FRMPD4: variants seen among roughly 807,000 people sequenced by gnomAD.
The protein encoded by FRMPD4 is FERM and PDZ domain-containing protein 4.
A neutral mutation model predicts 94.1 loss-of-function variants in FRMPD4; 22 were observed. The observed-to-expected ratio is 0.23, with a 90% CI of 0.17 to 0.33. The LOEUF (loss-of-function observed/expected upper bound fraction) is 0.33, where lower values mean the gene tolerates loss of function less well. FRMPD4 is among the 10% of genes least tolerant of loss of function. The pLI, the probability that FRMPD4 is intolerant of heterozygous loss-of-function variation, is 1.00. For synonymous variants in FRMPD4, 631 were observed against 548.6 expected (o/e 1.15, Z -2.10); for missense variants, 1,111 against 1,339.9 (o/e 0.83, Z 2.67).
At chrX:12,650,255 G>C (rs2059584299) in intron 4 of FRMPD4, among the ~76,000 whole-genome samples, 1 of 111,982 alleles carries the variant, frequency 8.9e-6, no homozygotes, top group East Asian at 2.8e-4. Flanking sequence ...TACATCTTCT[G>C]GATGCAAACA....
intron 1 of FRMPD4, among the ~76,000 whole-genome samples, chrX:11,844,152 TA>T (rs1383220443): frequency 8.1e-5 from 7 of 85,994 alleles, no homozygotes; most frequent in Admixed American, 6.6e-4. Context: ...CACACCCAGC[TA>T]TTTTTTTTTT....
At chrX:12,495,128 G>C (rs1177106070) in intron 1 of FRMPD4, 1 of 250,655 alleles carries the variant, frequency 4.0e-6, no homozygotes. Flanking sequence ...ATCACCTTCT[G>C]ACATTCTGGG....
chrX:12,349,945 G>A (rs758372259), intron 1 of FRMPD4, among the ~76,000 whole-genome samples: 2 of 111,398 alleles, frequency 1.8e-5, no homozygotes, highest in East Asian at 5.6e-4. Context: ...GATAACCAGT[G>A]GGGAACATAA....
intron 4 of FRMPD4, among the ~76,000 whole-genome samples, chrX:12,647,852 A>G (rs893497): frequency 0.33 from 36,304 of 110,199 alleles, 5,591 homozygotes; most frequent in Non-Finnish European, 0.47. Context: ...TTTTTTTACT[A>G]GTTATGCCCT....
chrX:12,621,968 G>GAA (rs1182948328), intron 4 of FRMPD4, among the ~76,000 whole-genome samples: 5 of 41,074 alleles, frequency 1.2e-4, no homozygotes, highest in Admixed American at 3.1e-4. Flanking sequence ...AAGAAAGAAA[G>GAA]AGAAAGAAAG....
Position 12,470,541 on chromosome X carries a change from T to G in FRMPD4, c.42-28139T>G, listed in dbSNP as rs189782978. Among the ~76,000 whole-genome samples, 108 of 112,162 alleles carry G rather than the reference T, an allele frequency of 9.6e-4. 1 individual carries two copies. The highest frequency in any genetic ancestry group is 1.4e-3 in the Non-Finnish European group (77 of 53,221). The stretch of plus-strand genomic sequence containing the variant: ...TTTTTCTTTCAGCAAAAAGGGTAAA[T>G]GTACTGACGTCTTTGTGGCTAGGCT... On this transcript the variant is annotated intron_variant, in intron 1 of 16. Coordinates refer to ENST00000675598, the MANE Select transcript of FRMPD4 (RefSeq NM_001368397.1).
intron 1 of FRMPD4, among the ~76,000 whole-genome samples, chrX:12,158,964 C>T (rs2055980121): frequency 8.9e-6 from 1 of 112,233 alleles, no homozygotes; most frequent in Non-Finnish European, 1.9e-5. Context: ...AGGAAGTACA[C>T]GCCTTCTTGA....
chrX:11,892,977 C>A (rs1363787497), intron 3 of FRMPD4, among the ~76,000 whole-genome samples: 1 of 111,907 alleles, frequency 8.9e-6, no homozygotes, highest in Non-Finnish European at 1.9e-5. Context: ...TATTAAGTAA[C>A]CTTGATTATT....
chrX:12,084,179 G>GC (rs1555921470), intron 3 of FRMPD4, among the ~76,000 whole-genome samples: 14 of 93,101 alleles, frequency 1.5e-4, no homozygotes, highest in Non-Finnish European at 2.8e-4. Flanking sequence ...GGACCCAGTG[G>GC]GGGGGGGGGT....
intron 1 of FRMPD4, among the ~76,000 whole-genome samples, chrX:12,198,570 G>A (rs1433894209): frequency 1.8e-5 from 2 of 111,747 alleles, no homozygotes; most frequent in Middle Eastern, 4.6e-3. Flanking sequence ...GAGTAGTGAC[G>A]CCTTAGATTC....
intron 3 of FRMPD4, among the ~76,000 whole-genome samples, chrX:11,916,511 C>T (rs1285773655): frequency 9.0e-6 from 1 of 110,510 alleles, no homozygotes; most frequent in Non-Finnish European, 1.9e-5. Context: ...AGTGTTGGTA[C>T]GTGTTCAGCA....
chrX:12,492,141 A>C (rs940177199), intron 1 of FRMPD4, among the ~76,000 whole-genome samples: 1 of 112,189 alleles, frequency 8.9e-6, no homozygotes, highest in African/African-American at 3.2e-5. Context: ...TTTAATGGCA[A>C]CCACTGCATG....
intron 1 of FRMPD4, among the ~76,000 whole-genome samples, chrX:11,855,006 T>A (rs1288589828): frequency 1.8e-5 from 2 of 111,938 alleles, no homozygotes; most frequent in African/African-American, 6.5e-5. Flanking sequence ...TACTTCTGCT[T>A]GGACAACCGG....
chrX:12,691,820 C>T (rs1399387714), intron 8 of FRMPD4, among the ~76,000 whole-genome samples: 1 of 106,248 alleles, frequency 9.4e-6, no homozygotes, highest in African/African-American at 3.5e-5. Context: ...GTAGGACGCA[C>T]CTCAGAGGTA....
At chrX:12,719,039 A>C (rs1234919427) in intron 16 of FRMPD4, among the ~76,000 whole-genome samples, 1 of 112,349 alleles carries the variant, frequency 8.9e-6, no homozygotes, top group East Asian at 2.8e-4. Context: ...ATGGGGCAAT[A>C]TGTTTTTCCT....
chrX:12,340,766 A>G (rs2055600220), intron 1 of FRMPD4, among the ~76,000 whole-genome samples: 1 of 111,862 alleles, frequency 8.9e-6, no homozygotes, highest in Non-Finnish European at 1.9e-5. Context: ...ATGCGCTCCA[A>G]ACTTTCCTTA....
At position 12,717,842 on chromosome X, in the gene FRMPD4, T is replaced by G; in HGVS notation, c.3016T>G (p.Ser1006Ala). The change falls in exon 16 of 17, where the codon TCG becomes GCG. Residue 1006 changes from serine (S) to alanine (A), a missense_variant. Ser to Ala is a moderately conservative substitution (Grantham distance 99). Around this residue, in one of 8 missense-constraint regions of FRMPD4, gnomAD observed 551 missense variants for 591.6 expected, o/e 0.93. Coordinates refer to ENST00000675598, the MANE Select transcript of FRMPD4 (RefSeq NM_001368397.1). ...GGAGCCTGAAACTATGGAGACTAAGTCGGTCACTGACTATTTTAGCAAACT... is the reference window on the plus strand; with the variant it reads ...GGAGCCTGAAACTATGGAGACTAAGGCGGTCACTGACTATTTTAGCAAACT... ...EMEPETMETKSVTDYFSKLHM... is the reference protein window; with the variant it reads ...EMEPETMETKAVTDYFSKLHM... 4 of 1,210,462 alleles carry G rather than the reference T, an allele frequency of 3.3e-6. No individual in the cohort carries two copies. Among genetic ancestry groups the G allele is most frequent in the Non-Finnish European group, 4.5e-6 (4 of 894,156 alleles).
Position 11,977,356 on chromosome X carries a change from T to G in FRMPD4, c.95+99338T>G, listed in dbSNP as rs139297506. 3.3e-3 allele frequency among the ~76,000 whole-genome samples: 377 copies of G among 112,610 alleles called. 1 individual carries two copies. Among genetic ancestry groups the G allele is most frequent in the Non-Finnish European group, 5.9e-3 (316 of 53,340 alleles). On this transcript the variant is annotated intron_variant, in intron 3 of 18. Transcript: ENST00000640291. ...ACAATCTGATGCCATTGGGACTTTG[T>G]GTTGCTTATTCCTCCTGGAAATCTC...
rs982950304 is a variant in FRMPD4 at position 12,008,009 on chromosome X, G to A, written c.95+129991G>A. 2.7e-5 allele frequency among the ~76,000 whole-genome samples: 3 copies of A among 111,688 alleles called. No individual in the cohort carries two copies. In the East Asian group the frequency reaches 8.4e-4, roughly 31 times the overall value. On this transcript the variant is annotated intron_variant, in intron 3 of 18. Coordinates refer to the FRMPD4 transcript ENST00000640291. ...GAGAGAGACACTGAAGAGGAAACAG[G>A]AAATGGGCAGGGCACCAGAAATATA...
Sources: allele counts gnomAD v4.1 joint callset (sites outside exome capture counted in the v4.1 genomes callset), GRCh38; gene constraint gnomAD v4.1.1; regional missense constraint gnomAD v4.1.1; transcripts MANE v1.5; gene names NCBI Gene and HGNC (gene_info 2026-07-23, HGNC 2026-07-21).